The following SRSF3 variants were observed in gnomAD, a reference collection of about 807,000 sequenced individuals.
SRSF3 encodes serine and arginine rich splicing factor 3.
For missense variants in SRSF3, 58 were observed against 217.1 expected (o/e 0.27, Z 4.61); for synonymous variants, 87 against 73.6 (o/e 1.18, Z -0.93).
At chr6:36,594,940 T>A (rs997901785) in intron 1 of SRSF3, among the ~76,000 whole-genome samples, 7 of 152,190 alleles carry the variant, frequency 4.6e-5, no homozygotes, top group African/African-American at 1.7e-4. Flanking sequence ...TCTAATCACC[T>A]TTTTCTAAGA....
intron 5 of SRSF3, 83 bp downstream of exon 5, chr6:36,601,877 T>G: frequency 6.3e-7 from 1 of 1,594,030 alleles, no homozygotes; most frequent in Non-Finnish European, 8.5e-7. Flanking sequence ...ATTTTTTACC[T>G]TAAAGTTCTA....
At chr6:36,598,493 C>T (rs1227763177) in intron 2 of SRSF3, 1 of 196,772 alleles carries the variant, frequency 5.1e-6, no homozygotes, top group Admixed American at 5.4e-5. Context: ...AAGTGATTCT[C>T]CTGCCTCAGC....
intron 1 of SRSF3, among the ~76,000 whole-genome samples, chr6:36,595,520 T>A (rs975253229): frequency 1.3e-5 from 2 of 152,188 alleles, no homozygotes; most frequent in African/African-American, 2.4e-5. Context: ...CTTCCTCTAG[T>A]CCCTAGCAAC....
intron 2 of SRSF3, chr6:36,597,196 C>T: frequency 5.4e-6 from 3 of 550,638 alleles, no homozygotes; most frequent in Non-Finnish European, 9.6e-6. Context: ...ACCTCGGCCT[C>T]CGGGGTTCAA....
At chr6:36,598,688 C>T (rs1442431507) in intron 2 of SRSF3, among the ~76,000 whole-genome samples, 161 bp from the exon 3 acceptor site, 4 of 152,136 alleles carry the variant, frequency 2.6e-5, no homozygotes, top group Non-Finnish European at 5.9e-5. Flanking sequence ...GGCCAAAGCT[C>T]ATTTTATATT....
rs556558848 is a variant in SRSF3, at chr6:36,602,872, T to C, written c.*883T>C. On this transcript the variant is annotated 3_prime_UTR_variant, in exon 6 of 6. Coordinates refer to ENST00000373715, the MANE Select transcript of SRSF3 (RefSeq NM_003017.5). Reference sequence around the variant, plus strand: ...ACATTCCTATTGGAAGCCATACTTATATTTTCTTGTAAAGTGCTTTTGAAT... The same window carrying C: ...ACATTCCTATTGGAAGCCATACTTACATTTTCTTGTAAAGTGCTTTTGAAT... 1.0e-4 allele frequency: 21 copies of C among 208,574 alleles called. No individual in the cohort carries two copies. The highest frequency in any genetic ancestry group is 7.5e-4 in the South Asian group (4 of 5,320). 12.9% of individuals were successfully genotyped at this position (208,574 alleles called of 1,614,324 possible).
chr6:36,601,875 C>T (rs1778721586), intron 5 of SRSF3, 81 bp downstream of exon 5: 13 of 1,591,034 alleles, frequency 8.2e-6, no homozygotes, highest in Non-Finnish European at 1.1e-5. Context: ...AAATTTTTTA[C>T]CTTAAAGTTC....
chr6:36,596,974 T>A lies in SRSF3; in HGVS notation c.206+6T>A, dbSNP rs538376114. Reference sequence around the variant, plus strand: ...GTCCGAGAGCTAGATGGAAGGTGATTTAATGATTACGCTGATAAAAATGTG... The same window carrying A: ...GTCCGAGAGCTAGATGGAAGGTGATATAATGATTACGCTGATAAAAATGTG... On this transcript the variant is annotated splice_donor_region_variant and intron_variant, in intron 2 of 5. Transcript: ENST00000373715. The A allele has an allele frequency of 6.2e-7, 1 of 1,613,400 alleles. No homozygotes were observed.
At chr6:36,599,924 TGTC>T in intron 3 of SRSF3, 1 of 1,348,044 alleles carries the variant, frequency 7.4e-7, no homozygotes, top group East Asian at 4.6e-5. Context: ...GCTTGGCTGG[TGTC>T]GTTTCACATG....
chr6:36,597,353 G>A (rs958597692), intron 2 of SRSF3, among the ~76,000 whole-genome samples: 3 of 152,060 alleles, frequency 2.0e-5, no homozygotes, highest in Admixed American at 6.6e-5. Context: ...TGATCTGACC[G>A]CCTTGACCTC....
chr6:36,603,836 AT>A lies in SRSF3; in HGVS notation c.*1852del. The A allele has an allele frequency of 1.3e-5, 3 of 231,626 alleles. No individual in the cohort carries two copies. Among genetic ancestry groups the A allele is most frequent in the Non-Finnish European group, 1.7e-5 (2 of 117,066 alleles). 14.3% of individuals were successfully genotyped at this position (231,626 alleles called of 1,614,324 possible). ...TTATAAATGGACAACTTATGTGGGC[AT>A]TTTTGGGCAGTATATGACTTCCTTG... is the stretch of plus-strand genomic sequence containing the variant. On this transcript the variant is annotated 3_prime_UTR_variant, in exon 6 of 6. Coordinates refer to ENST00000373715, the MANE Select transcript of SRSF3 (RefSeq NM_003017.5).
chr6:36,595,836 C>G (rs1246354537), intron 1 of SRSF3, among the ~76,000 whole-genome samples: 1 of 152,148 alleles, frequency 6.6e-6, no homozygotes, highest in Non-Finnish European at 1.5e-5. Context: ...ATTTTTACCG[C>G]GTAAGACTCT....
At chr6:36,598,724 T>A (rs968620872) in intron 2 of SRSF3, 125 bp from the exon 3 acceptor site, 99 of 1,160,748 alleles carry the variant, frequency 8.5e-5, no homozygotes, top group African/African-American at 1.2e-4. Flanking sequence ...GCTAGAAATT[T>A]GATGTTAAAT....
intron 1 of SRSF3, among the ~76,000 whole-genome samples, chr6:36,596,501 A>G (rs1261095337): frequency 6.9e-6 from 1 of 145,124 alleles, no homozygotes; most frequent in East Asian, 2.1e-4. Flanking sequence ...TCAACGTTCC[A>G]AGGAAGCTGT....
At chr6:36,599,423 C>CT (rs1778683011) in intron 3 of SRSF3, 2 of 193,254 alleles carry the variant, frequency 1.0e-5, no homozygotes, top group South Asian at 1.8e-4. Context: ...CATTCTGAGA[C>CT]TAACTTAAGT....
intron 1 of SRSF3, 71 bp from the exon 2 acceptor site, chr6:36,596,689 TC>T: frequency 7.3e-7 from 1 of 1,370,218 alleles, no homozygotes; most frequent in South Asian, 1.2e-5. Context: ...CTAATGGAGT[TC>T]TTTCTAAGGA....
rs928667980 is a variant in SRSF3, at chr6:36,605,103, T to C, written c.*3114T>C. 7.2e-5 allele frequency: 11 copies of C among 152,334 alleles called. No individual in the cohort carries two copies. Among genetic ancestry groups the C allele is most frequent in the African/African-American group, 2.6e-4 (11 of 41,564 alleles). 9.4% of individuals were successfully genotyped at this position (152,334 alleles called of 1,614,324 possible). A position where few individuals can be genotyped will look rare whatever the true frequency, so the allele number is the denominator to read the frequency against. ...GTTGAATTTGATTTTATGTCCACTCTAATTTTTTTCATCCTGTTTTATTAG... is the reference window on the plus strand; with the variant it reads ...GTTGAATTTGATTTTATGTCCACTCCAATTTTTTTCATCCTGTTTTATTAG... On this transcript the variant is annotated 3_prime_UTR_variant, in exon 6 of 6. Coordinates refer to ENST00000373715, the MANE Select transcript of SRSF3 (RefSeq NM_003017.5).
rs1423620548 is a variant in SRSF3, at chr6:36,596,909, T to C, written c.147T>C (p.Ala49=). 4.2e-5 allele frequency: 67 copies of C among 1,613,964 alleles called. No homozygotes were observed. Among genetic ancestry groups the C allele is most frequent in the Non-Finnish European group, 5.4e-5 (64 of 1,180,010 alleles). The change falls in exon 2 of 6, where the codon GCT becomes GCC. Residue 49 remains alanine (A), a synonymous_variant. Coordinates refer to ENST00000373715, the MANE Select transcript of SRSF3 (RefSeq NM_003017.5). Reference sequence around the variant, plus strand: ...TTGCTAGAAACCCACCCGGCTTTGCTTTTGTTGAATTTGAAGATCCCCGAG... The same window carrying C: ...TTGCTAGAAACCCACCCGGCTTTGCCTTTGTTGAATTTGAAGATCCCCGAG... ...VWVARNPPGF[A]FVEFEDPRDA...
intron 2 of SRSF3, among the ~76,000 whole-genome samples, chr6:36,597,663 G>T (rs1438238607): frequency 7.9e-5 from 12 of 152,002 alleles, no homozygotes; most frequent in African/African-American, 2.4e-5. Flanking sequence ...AGTGTTCACT[G>T]TAAAGCTGCA....
Sources: allele counts gnomAD v4.1 joint callset (sites outside exome capture counted in the v4.1 genomes callset), GRCh38; gene constraint gnomAD v4.1.1; transcripts MANE v1.5; gene names NCBI Gene and HGNC (gene_info 2026-07-23, HGNC 2026-07-21).